The following HHAT variants were observed in gnomAD, a reference collection of about 807,000 sequenced individuals.
HHAT encodes the protein protein-cysteine N-palmitoyltransferase HHAT.
Under a neutral mutation model 70.8 loss-of-function variants are expected in HHAT, and 47 were observed. That is an observed-to-expected ratio of 0.66 (90% confidence interval 0.53 to 0.85). The LOEUF (loss-of-function observed/expected upper bound fraction) is 0.85, where lower values mean the gene tolerates loss of function less well. HHAT is among the 40% of genes least tolerant of loss of function. HHAT has a pLI of 0.00. For missense variants in HHAT, 609 were observed against 604.8 expected, an observed-to-expected ratio of 1.01 and a Z score of -0.07; for synonymous variants, 228 against 247.6, an observed-to-expected ratio of 0.92 and a Z score of 0.74.
chr1:210,395,397 A>G (rs1365413096), intron 4 of HHAT, among the ~76,000 whole-genome samples: 1 of 151,172 alleles, frequency 6.6e-6, no homozygotes, highest in African/African-American at 2.4e-5. Flanking sequence ...TTCAAAAGAA[A>G]GGAGGGCAAA....
At position 210,449,788 on chromosome 1, in the gene HHAT, T is replaced by A. The variant is rs142528825; in HGVS notation, c.857-14717T>A. Among the ~76,000 whole-genome samples, 743 of 152,254 alleles carry A rather than the reference T, an allele frequency of 4.9e-3. 8 individuals carry two copies. The highest frequency in any genetic ancestry group is 0.017 in the African/African-American group (719 of 41,542). On this transcript the variant is annotated intron_variant, in intron 7 of 11. Transcript: ENST00000261458. ...GTAACTGTGATCATTGAAAAAGTGA[T>A]GGTCATTTAATTCACATCAGTTCAT...
At chr1:210,419,595 T>A (rs906382021) in intron 7 of HHAT, among the ~76,000 whole-genome samples, 3 of 152,186 alleles carry the variant, frequency 2.0e-5, no homozygotes, top group African/African-American at 7.2e-5. Context: ...CAAGCCTGAC[T>A]CCTTCTTTAT....
intron 1 of HHAT, among the ~76,000 whole-genome samples, chr1:210,346,825 A>G (rs2086565760): frequency 6.6e-6 from 1 of 152,240 alleles, no homozygotes; most frequent in South Asian, 2.1e-4. Flanking sequence ...GGGATTGGCC[A>G]TGGCAGAGTG....
intron 6 of HHAT, among the ~76,000 whole-genome samples, chr1:210,405,439 C>T (rs1315762225): frequency 6.6e-6 from 1 of 152,144 alleles, no homozygotes; most frequent in Non-Finnish European, 1.5e-5. Flanking sequence ...ACAGTGTTCT[C>T]AAGGGATATT....
chr1:210,623,797 T>C (rs1669340879), intron 11 of HHAT, 127 bp downstream of exon 11: 3 of 990,496 alleles, frequency 3.0e-6, no homozygotes, highest in African/African-American at 1.6e-5. Context: ...ATGTGACCTC[T>C]AAAGTACCAG....
At chr1:210,549,013 A>G (rs1205052251) in intron 9 of HHAT, among the ~76,000 whole-genome samples, 4 of 152,200 alleles carry the variant, frequency 2.6e-5, no homozygotes, top group Non-Finnish European at 4.4e-5. Context: ...TCTTAAGAAC[A>G]TGGATTCTGG....
intron 11 of HHAT, among the ~76,000 whole-genome samples, chr1:210,661,042 G>T (rs376816878): frequency 1.3e-5 from 2 of 152,284 alleles, no homozygotes; most frequent in African/African-American, 4.8e-5. Flanking sequence ...AAAAGCAATG[G>T]CAACAAAAGC....
At chr1:210,526,373 T>TTTGTTTTGTTTTGTTTTTTTTTTTTTTG (rs2095249553) in intron 9 of HHAT, among the ~76,000 whole-genome samples, 1 of 151,320 alleles carries the variant, frequency 6.6e-6, no homozygotes. Context: ...TTCTGTTTTT[T>TTTGTTTTGTTTTGTTTTTTTTTTTTTTG]TTTTTGCCAC....
intron 8 of HHAT, among the ~76,000 whole-genome samples, chr1:210,473,410 A>G (rs892582975): frequency 1.3e-5 from 2 of 151,988 alleles, no homozygotes; most frequent in African/African-American, 2.4e-5. Context: ...CTACTTTTGA[A>G]TCCCCTTAGC....
At chr1:210,551,344 T>A (rs1054104488) in intron 9 of HHAT, among the ~76,000 whole-genome samples, 3 of 149,094 alleles carry the variant, frequency 2.0e-5, no homozygotes, top group African/African-American at 7.4e-5. Context: ...CCAGTGCGAC[T>A]CATCACAGTT....
At chr1:210,548,105 T>C (rs12072976) in intron 9 of HHAT, among the ~76,000 whole-genome samples, 45,359 of 152,106 alleles carry the variant, frequency 0.3, 6,858 homozygotes, top group Middle Eastern at 0.38. Flanking sequence ...AGTGATGGAC[T>C]GTCCTCAGAG....
chr1:210,604,844 C>T (rs112946812), intron 10 of HHAT, among the ~76,000 whole-genome samples: 1 of 152,132 alleles, frequency 6.6e-6, no homozygotes, highest in African/African-American at 2.4e-5. Flanking sequence ...AGTGAGACCT[C>T]CTTGCTACAA....
At position 210,376,877 on chromosome 1, in the gene HHAT, T is replaced by C. The variant is rs75162792; in HGVS notation, c.160-10591T>C. On this transcript the variant is annotated intron_variant, in intron 3 of 11. Transcript: ENST00000261458. ...TTCCCTTCTTCTTCCCCTAGATAGA[T>C]GGCAAAAATGTTAGTTCTCCCTTTT... is the stretch of plus-strand genomic sequence containing the variant. Among the ~76,000 whole-genome samples, 1,450 of 152,306 alleles carry C rather than the reference T, an allele frequency of 9.5e-3. 13 individuals are homozygous for C. The highest frequency in any genetic ancestry group is 0.028 in the African/African-American group (1,150 of 41,570).
intron 3 of HHAT, among the ~76,000 whole-genome samples, chr1:210,382,928 T>G (rs2090756533): frequency 6.6e-6 from 1 of 152,152 alleles, no homozygotes; most frequent in African/African-American, 2.4e-5. Flanking sequence ...CAGGCCTAGG[T>G]TTGAAACCCG....
chr1:210,401,762 C>A (rs1362292995), intron 5 of HHAT, among the ~76,000 whole-genome samples: 1 of 152,190 alleles, frequency 6.6e-6, no homozygotes, highest in African/African-American at 2.4e-5. Flanking sequence ...GACAGACTGC[C>A]TTCTGAGTTG....
chr1:210,361,196 C>G (rs1280017957), intron 2 of HHAT, among the ~76,000 whole-genome samples: 1 of 152,198 alleles, frequency 6.6e-6, no homozygotes, highest in Admixed American at 6.5e-5. Context: ...GTTTTTCTAC[C>G]CTCTTTGCCT....
At chr1:210,337,934 G>C (rs2085652680) in intron 1 of HHAT, among the ~76,000 whole-genome samples, 1 of 152,228 alleles carries the variant, frequency 6.6e-6, no homozygotes, top group African/African-American at 2.4e-5. Flanking sequence ...ATGGGTCTAA[G>C]ATATTATTTG....
chr1:210,568,161 T>C (rs574846721), intron 9 of HHAT, among the ~76,000 whole-genome samples: 69 of 152,314 alleles, frequency 4.5e-4, no homozygotes, highest in Non-Finnish European at 7.3e-5. Context: ...CATTCCTACA[T>C]AATGAAGTCT....
At chr1:210,495,246 A>C (rs1471456099) in intron 8 of HHAT, among the ~76,000 whole-genome samples, 1 of 150,916 alleles carries the variant, frequency 6.6e-6, no homozygotes, top group Non-Finnish European at 1.5e-5. Context: ...TATATAATAC[A>C]TGCTTAATAT....
Sources: allele counts gnomAD v4.1 joint callset (sites outside exome capture counted in the v4.1 genomes callset), GRCh38; gene constraint gnomAD v4.1.1; transcripts MANE v1.5; gene names NCBI Gene and HGNC (gene_info 2026-07-23, HGNC 2026-07-21).